GPRIN3: variants seen among roughly 807,000 people sequenced by gnomAD.
GPRIN3 encodes the protein G protein-regulated inducer of neurite outgrowth 3.
In GPRIN3, 12 loss-of-function variants were observed where a neutral mutation model predicts 13.7. The observed-to-expected ratio is 0.87, with a 90% CI of 0.56 to 1.42. GPRIN3 has a LOEUF of 1.42. Among genes scored for constraint, GPRIN3 ranks in the 40% most tolerant of loss-of-function variants. The pLI is 0.00. For missense variants in GPRIN3, 1,009 were observed against 958.7 expected (o/e 1.05, Z -0.69); for synonymous variants, 377 against 372.7 (o/e 1.01, Z -0.13).
chr4:89,284,903 G>A (rs1724358540), intron 1 of GPRIN3, among the ~76,000 whole-genome samples: 1 of 152,156 alleles, frequency 6.6e-6, no homozygotes, highest in South Asian at 2.1e-4. Context: ...TCTGCTAATA[G>A]GCTGGTCACA....
intron 1 of GPRIN3, among the ~76,000 whole-genome samples, chr4:89,305,251 C>T (rs1725004604): frequency 1.3e-5 from 2 of 152,164 alleles, no homozygotes; most frequent in African/African-American, 4.8e-5. Context: ...CCTTCCCTCT[C>T]TTCTTCACTG....
intron 1 of GPRIN3, among the ~76,000 whole-genome samples, chr4:89,279,074 A>G (rs1229660157): frequency 6.6e-6 from 1 of 152,234 alleles, no homozygotes; most frequent in East Asian, 1.9e-4. Flanking sequence ...ACCAAGGCTG[A>G]GCACAGAGGG....
At chr4:89,251,578 T>C (rs542263430) in intron 1 of GPRIN3, among the ~76,000 whole-genome samples, 35 of 152,348 alleles carry the variant, frequency 2.3e-4, no homozygotes, top group African/African-American at 8.2e-4. Flanking sequence ...GGAAAAGTCA[T>C]GATGTAATTC....
At chr4:89,291,333 C>A (rs1026673899) in intron 1 of GPRIN3, among the ~76,000 whole-genome samples, 1 of 151,992 alleles carries the variant, frequency 6.6e-6, no homozygotes, top group Non-Finnish European at 1.5e-5. Flanking sequence ...CCCTTCATGA[C>A]ACTTTGTAGT....
At position 89,243,296 on chromosome 4, in the gene GPRIN3, T is replaced by C. The variant is rs1021954986; in HGVS notation, c.*4484A>G. 1 of 152,208 alleles carries C rather than the reference T, an allele frequency of 6.6e-6. No homozygotes were observed. The highest frequency in any genetic ancestry group is 1.5e-5 in the Non-Finnish European group (1 of 68,034). The allele number at this position is 152,208 out of a possible 1,614,324, so 9.4% of individuals were successfully genotyped here. On this transcript the variant is annotated 3_prime_UTR_variant, in exon 2 of 2. Transcript: ENST00000609438. ...AATTTTGTAGACATCCTTAAGCCCA[T>C]GTGTCTGGACAGATGACATTTGTAA... is the stretch of plus-strand genomic sequence containing the variant.
chr4:89,281,060 G>A lies in GPRIN3; in HGVS notation c.-124+26555C>T, dbSNP rs189972361. ...TTACAGTCATGTTGGAAGGTGAAGG[G>A]GGGGGATAAGCACATCACATAGCCA... On this transcript the variant is annotated intron_variant, in intron 1 of 1. Transcript: ENST00000609438. Among the ~76,000 whole-genome samples, 974 of 152,076 alleles carry A rather than the reference G, an allele frequency of 6.4e-3. 25 individuals carry two copies. The South Asian group carries it at 0.09, about 14-fold the overall frequency.
chr4:89,253,762 G>A (rs542750302), intron 1 of GPRIN3, among the ~76,000 whole-genome samples: 1 of 152,266 alleles, frequency 6.6e-6, no homozygotes, highest in African/African-American at 2.4e-5. Context: ...AAATTGCTTG[G>A]CTAAGACCTA....
At chr4:89,289,980 C>T (rs1724528123) in intron 1 of GPRIN3, among the ~76,000 whole-genome samples, 1 of 151,824 alleles carries the variant, frequency 6.6e-6, no homozygotes. Flanking sequence ...ATACTACAGC[C>T]AAGCTGAACT....
At chr4:89,297,503 A>C (rs1321833654) in intron 1 of GPRIN3, among the ~76,000 whole-genome samples, 1 of 152,058 alleles carries the variant, frequency 6.6e-6, no homozygotes. Context: ...TTAATTCTAT[A>C]ATTGAGGCTC....
chr4:89,275,092 T>C (rs766678858), intron 1 of GPRIN3, among the ~76,000 whole-genome samples: 1 of 152,130 alleles, frequency 6.6e-6, no homozygotes, highest in Non-Finnish European at 1.5e-5. Flanking sequence ...GCAAGCACTG[T>C]GTTCTGGTAG....
intron 1 of GPRIN3, among the ~76,000 whole-genome samples, chr4:89,262,538 ATGGATTCGTGCTGG>A (rs1318881269): frequency 2.6e-5 from 4 of 152,180 alleles, no homozygotes; most frequent in Non-Finnish European, 2.9e-5. Context: ...GTCAGTGATG[ATGGATTCGTGCTGG>A]TCTACGCTTC....
chr4:89,250,152 T>C lies in GPRIN3; in HGVS notation c.-42A>G. 2 of 1,559,754 alleles carry C rather than the reference T, an allele frequency of 1.3e-6. No homozygotes were observed. On this transcript the variant is annotated 5_prime_UTR_variant, in exon 2 of 2. Transcript: ENST00000609438. ...AGCACTCCAGAGCTCTCTTGAGTAC[T>C]GGTCCCACTGGTGGGGGAGGGGAGC...
At chr4:89,264,140 A>T (rs762848066) in intron 1 of GPRIN3, among the ~76,000 whole-genome samples, 2 of 152,108 alleles carry the variant, frequency 1.3e-5, no homozygotes, top group Non-Finnish European at 2.9e-5. Context: ...CCAGTGTTGG[A>T]GGTGGGGCCT....
At chr4:89,267,707 C>T (rs903756616) in intron 1 of GPRIN3, among the ~76,000 whole-genome samples, 1 of 152,168 alleles carries the variant, frequency 6.6e-6, no homozygotes, top group Non-Finnish European at 1.5e-5. Context: ...GATCTATTAT[C>T]TCTTCTTTTG....
intron 1 of GPRIN3, among the ~76,000 whole-genome samples, chr4:89,280,940 T>A (rs924652286): frequency 3.3e-5 from 5 of 152,130 alleles, no homozygotes; most frequent in Admixed American, 1.3e-4. Context: ...GGGTAATTTA[T>A]AAAGAAAAGA....
chr4:89,257,241 T>A (rs1723491062), intron 1 of GPRIN3, among the ~76,000 whole-genome samples: 2 of 152,174 alleles, frequency 1.3e-5, no homozygotes, highest in African/African-American at 4.8e-5. Flanking sequence ...ACAAGCTGCA[T>A]CCCTTCTCCC....
At chr4:89,286,055 G>T (rs1249810424) in intron 1 of GPRIN3, among the ~76,000 whole-genome samples, 3 of 149,548 alleles carry the variant, frequency 2.0e-5, no homozygotes, top group Non-Finnish European at 3.0e-5. Flanking sequence ...TTCTTGCAGA[G>T]GTTGCTCAAT....
chr4:89,279,744 T>G (rs1049961416), intron 1 of GPRIN3, among the ~76,000 whole-genome samples: 2 of 152,220 alleles, frequency 1.3e-5, no homozygotes, highest in African/African-American at 4.8e-5. Context: ...TACTTGGTTT[T>G]CCTCTTTTCT....
chr4:89,275,207 A>T (rs1724061611), intron 1 of GPRIN3, among the ~76,000 whole-genome samples: 1 of 150,666 alleles, frequency 6.6e-6, no homozygotes, highest in Admixed American at 6.6e-5. Context: ...CACATAGGGG[A>T]TGGGTGGGAA....
Sources: gnomAD v4.1 joint callset for allele counts (sites outside exome capture counted in the v4.1 genomes callset) on GRCh38, gnomAD v4.1.1 for gene constraint, MANE v1.5 for transcripts, NCBI Gene and HGNC (gene_info 2026-07-23, HGNC 2026-07-21) for gene names.